The following NALF1 variants were observed in gnomAD, a reference collection of about 807,000 sequenced individuals.
NALF1 encodes the protein NALCN channel auxiliary factor 1.
Under a neutral mutation model 48.4 loss-of-function variants are expected in NALF1, and 3 were observed. The ratio of observed to expected loss-of-function variants is 0.06; its 90% CI spans 0.03 to 0.16. NALF1 has a LOEUF of 0.16. Ranked by LOEUF, NALF1 falls within the 10% of genes least tolerant of loss-of-function variation. NALF1 has a pLI of 1.00. For missense variants in NALF1, 526 were observed against 571.5 expected (o/e 0.92, Z 0.81); for synonymous variants, 262 against 245.7 (o/e 1.07, Z -0.62).
At chr13:107,477,454 T>C (rs1198306419) in intron 1 of NALF1, among the ~76,000 whole-genome samples, 2 of 152,058 alleles carry the variant, frequency 1.3e-5, no homozygotes, top group South Asian at 2.1e-4. Flanking sequence ...AAGGTCCCTA[T>C]AGGGAAAGAT....
At chr13:107,757,019 CA>C (rs928186721) in intron 1 of NALF1, among the ~76,000 whole-genome samples, 3 of 150,868 alleles carry the variant, frequency 2.0e-5, no homozygotes, top group Non-Finnish European at 3.0e-5. Context: ...CTTTGAAAAA[CA>C]AAAAAAAATT....
At chr13:107,353,238 G>A (rs1031347028) in intron 1 of NALF1, among the ~76,000 whole-genome samples, 1 of 152,182 alleles carries the variant, frequency 6.6e-6, no homozygotes, top group African/African-American at 2.4e-5. Context: ...TAATAAAATT[G>A]TATTAATAAA....
At chr13:107,697,830 G>A (rs562726135) in intron 1 of NALF1, among the ~76,000 whole-genome samples, 8 of 152,108 alleles carry the variant, frequency 5.3e-5, no homozygotes, top group East Asian at 1.9e-4. Context: ...TTCAACCTTC[G>A]TTTAGCAAAG....
At chr13:107,521,102 T>C (rs1876223337) in intron 1 of NALF1, among the ~76,000 whole-genome samples, 1 of 152,322 alleles carries the variant, frequency 6.6e-6, no homozygotes, top group South Asian at 2.1e-4. Context: ...ACAGCATGAC[T>C]AGAAGGCCCC....
intron 1 of NALF1, among the ~76,000 whole-genome samples, chr13:107,592,203 CT>C (rs1878618369): frequency 6.6e-6 from 1 of 151,782 alleles, no homozygotes; most frequent in African/African-American, 2.4e-5. Context: ...ATTTAAATTA[CT>C]TTTAATCTAC....
In NALF1 at chr13:107,866,031, G is replaced by T. The variant is rs1374866032; in HGVS notation, c.566C>A (p.Ala189Glu). Residue 189 changes from alanine (A) to glutamate (E), a missense_variant, in exon 1 of 3, where the codon GCG becomes GAG. This residue lies in a region of NALF1 where 373 missense variants were observed against 355.5 expected (regional missense o/e 1.05). Transcript: ENST00000375915. This position sits in a 1 kb window ranked among gnomAD's most constrained non-coding sequence, Gnocchi z 4.4. ...GQCFTVENAD[A>E]VCARNWSRGA... ...CCGACTCCAGTTCCTGGCGCACACC[G>T]CGTCCGCATTCTCCACCGTGAAGCA... The T allele has an allele frequency of 6.2e-7, 1 of 1,612,044 alleles. No individual in the cohort carries two copies. Among genetic ancestry groups the T allele is most frequent in the Non-Finnish European group, 8.5e-7 (1 of 1,179,886 alleles).
At chr13:107,428,560 G>A (rs1884321021) in intron 1 of NALF1, among the ~76,000 whole-genome samples, 1 of 152,146 alleles carries the variant, frequency 6.6e-6, no homozygotes, top group Non-Finnish European at 1.5e-5. Context: ...CCAGAATCAG[G>A]AAACAGCCCT....
At chr13:107,488,943 C>A (rs1391853185) in intron 1 of NALF1, among the ~76,000 whole-genome samples, 1 of 152,084 alleles carries the variant, frequency 6.6e-6, no homozygotes, top group East Asian at 1.9e-4. Flanking sequence ...ACAAAATTAA[C>A]GTGCAAAAAT....
intron 1 of NALF1, among the ~76,000 whole-genome samples, chr13:107,446,579 ATTGT>A (rs1884654964): frequency 6.6e-6 from 1 of 152,092 alleles, no homozygotes; most frequent in South Asian, 2.1e-4. Context: ...TTTTTGTGAT[ATTGT>A]TTACTTGTTT....
chr13:107,539,182 A>G (rs1364287975), intron 1 of NALF1, among the ~76,000 whole-genome samples: 1 of 151,920 alleles, frequency 6.6e-6, no homozygotes, highest in African/African-American at 2.4e-5. Flanking sequence ...CAATTTATCA[A>G]GAAAATAAGC....
intron 1 of NALF1, among the ~76,000 whole-genome samples, chr13:107,320,170 A>T (rs187573649): frequency 2.0e-5 from 3 of 152,250 alleles, no homozygotes; most frequent in African/African-American, 7.2e-5. Context: ...TCTTTTAAAG[A>T]TGTGCCTAAA....
At chr13:107,635,746 G>C (rs189997644) in intron 1 of NALF1, among the ~76,000 whole-genome samples, 85 of 152,188 alleles carry the variant, frequency 5.6e-4, no homozygotes, top group Middle Eastern at 3.4e-3. Flanking sequence ...CCCATAAGCC[G>C]CACATGACTG....
At chr13:107,293,222 C>T (rs997076381) in intron 1 of NALF1, among the ~76,000 whole-genome samples, 14 of 151,924 alleles carry the variant, frequency 9.2e-5, no homozygotes, top group African/African-American at 3.1e-4. Flanking sequence ...CCTCATGATC[C>T]ACCCACCTTG....
At chr13:107,360,347 A>T (rs1225905061) in intron 1 of NALF1, among the ~76,000 whole-genome samples, 2 of 152,112 alleles carry the variant, frequency 1.3e-5, no homozygotes, top group Non-Finnish European at 2.9e-5. Context: ...AAATTGTATT[A>T]CTCTTCACTT....
In NALF1 at chr13:107,283,160, G is replaced by C. The variant is rs140778920; in HGVS notation, c.916-72405C>G. On this transcript the variant is annotated intron_variant, in intron 1 of 2. Coordinates refer to ENST00000375915, the MANE Select transcript of NALF1 (RefSeq NM_001080396.3). ...GAGATTATGATCATGGCCTAAAAGT[G>C]AATTGTCTGGCTGGCTGTATTAACT... Among the ~76,000 whole-genome samples the C allele has an allele frequency of 1.9e-4, 29 of 152,250 alleles. No homozygotes were observed. In the East Asian group the frequency reaches 5.2e-3, roughly 27 times the overall value.
chr13:107,323,604 A>G (rs1882297420), intron 1 of NALF1, among the ~76,000 whole-genome samples: 1 of 152,108 alleles, frequency 6.6e-6, no homozygotes. Context: ...CTTACCCCCA[A>G]TCAGACTGTG....
intron 1 of NALF1, among the ~76,000 whole-genome samples, chr13:107,806,890 C>A (rs954144621): frequency 6.6e-6 from 1 of 152,124 alleles, no homozygotes; most frequent in Non-Finnish European, 1.5e-5. Context: ...CTTTCTAAAT[C>A]ATTCTTATAA....
chr13:107,292,223 A>T (rs78815855), intron 1 of NALF1, among the ~76,000 whole-genome samples: 12,041 of 152,256 alleles, frequency 0.079, 527 homozygotes, highest in Admixed American at 0.12. Context: ...TACTGTAAAA[A>T]TACAGTATAA....
In NALF1 at chr13:107,655,671, A is replaced by G. The variant is rs7320722; in HGVS notation, c.915+210011T>C. ...ACTAGAAAAAATAATCCTAAAATTC[A>G]CATGGAACCAGAAAAACAGCCTACA... On this transcript the variant is annotated intron_variant, in intron 1 of 2. Coordinates refer to ENST00000375915, the MANE Select transcript of NALF1 (RefSeq NM_001080396.3). Among the ~76,000 whole-genome samples, 1,203 of 152,188 alleles carry G rather than the reference A, an allele frequency of 7.9e-3. 16 individuals are homozygous for G. Among genetic ancestry groups the G allele is most frequent in the African/African-American group, 0.027 (1,115 of 41,542 alleles).
Sources: gnomAD v4.1 joint callset for allele counts (sites outside exome capture counted in the v4.1 genomes callset) on GRCh38, gnomAD v4.1.1 for gene constraint, gnomAD v4.1.1 regional missense constraint, Gnocchi (gnomAD v3.1) non-coding constraint, MANE v1.5 for transcripts, NCBI Gene and HGNC (gene_info 2026-07-23, HGNC 2026-07-21) for gene names.